MED21: variants seen among roughly 807,000 people sequenced by gnomAD.
MED21 encodes the protein mediator of RNA polymerase II transcription subunit 21.
Under a neutral mutation model 18.2 loss-of-function variants are expected in MED21, and 9 were observed. The ratio of observed to expected loss-of-function variants is 0.49; its 90% CI spans 0.30 to 0.86. MED21 has a LOEUF of 0.86. Ranked by LOEUF, MED21 falls within the 40% of genes least tolerant of loss-of-function variation. The probability of loss-of-function intolerance (pLI) is 0.07; values close to 1 mark genes in which losing one functional copy is unlikely to be tolerated. For synonymous variants in MED21, 73 were observed against 60.5 expected, an observed-to-expected ratio of 1.21 and a Z score of -0.96; for missense variants, 150 against 170.9, an observed-to-expected ratio of 0.88 and a Z score of 0.68.
intron 1 of MED21, among the ~76,000 whole-genome samples, chr12:27,023,159 T>G (rs1941495909): frequency 6.6e-6 from 1 of 152,034 alleles, no homozygotes. Context: ...TCATCTTAGC[T>G]CGTTCCTTTG....
At chr12:27,026,283 T>C in intron 1 of MED21, 137 bp from the exon 2 acceptor site, 1 of 535,884 alleles carries the variant, frequency 1.9e-6, no homozygotes, top group South Asian at 3.2e-5. Flanking sequence ...GCTTATTTTA[T>C]CAACAATCAC....
downstream of MED21, among the ~76,000 whole-genome samples, chr12:27,034,001 A>C (rs1362270665): frequency 6.6e-6 from 1 of 152,242 alleles, no homozygotes; most frequent in African/African-American, 2.4e-5. Flanking sequence ...GAAAAAACAA[A>C]GCCCAAAGTT....
At chr12:27,032,800 C>G (rs1223617418), downstream of MED21, among the ~76,000 whole-genome samples, 1 of 152,146 alleles carries the variant, frequency 6.6e-6, no homozygotes, top group Non-Finnish European at 1.5e-5. Flanking sequence ...GGACAAAATG[C>G]CCTTTAACTT....
chr12:27,022,833 CT>C (rs1371390533), intron 1 of MED21: 2 of 1,483,938 alleles, frequency 1.3e-6, no homozygotes, highest in Non-Finnish European at 1.8e-6. Flanking sequence ...GGAGCAGACT[CT>C]TTCGCTTGAG....
chr12:27,030,213 G>T lies in MED21; in HGVS notation c.*1752G>T. 1.6e-6 allele frequency: 1 copy of T among 641,474 alleles called. No homozygotes were observed. The highest frequency in any genetic ancestry group is 2.9e-6 in the Non-Finnish European group (1 of 348,050). 39.7% of individuals were successfully genotyped at this position (641,474 alleles called of 1,614,324 possible). ...AGTTCTGTGATCATGGCTCACTGCA[G>T]CTTCACCCTGGGTTCAGGTGATCCT... On this transcript the variant is annotated 3_prime_UTR_variant, in exon 4 of 4. Coordinates refer to ENST00000282892, the MANE Select transcript of MED21 (RefSeq NM_004264.5).
At chr12:27,024,720 C>G (rs564808137) in intron 1 of MED21, among the ~76,000 whole-genome samples, 1 of 152,218 alleles carries the variant, frequency 6.6e-6, no homozygotes, top group South Asian at 2.1e-4. Flanking sequence ...GTATGAGTGC[C>G]TACTGTGTGT....
Position 27,029,438 on chromosome 12 carries a change from GAA to G in MED21, c.*979_*980del. 1 of 985,388 alleles carries G rather than the reference GAA, an allele frequency of 1.0e-6. No homozygotes were observed. The highest frequency in any genetic ancestry group is 1.2e-6 in the Non-Finnish European group (1 of 829,896). The allele number at this position is 985,388 out of a possible 1,614,324, so 61.0% of individuals were successfully genotyped here. On this transcript the variant is annotated 3_prime_UTR_variant, in exon 4 of 4. Transcript: ENST00000282892. ...TAATCTCCACTGGAAAGGTGGAATT[GAA>G]ATGTGGTCCACATTTTAACTAGCTA...
chr12:27,026,597 T>C (rs1300976063), intron 2 of MED21, 63 bp downstream of exon 2: 2 of 1,053,436 alleles, frequency 1.9e-6, no homozygotes, highest in Non-Finnish European at 2.9e-6. Flanking sequence ...CCTTTAAAAT[T>C]AGATTTCTTG....
intron 2 of MED21, chr12:27,037,771 CAT>C (rs1941658745): frequency 6.6e-6 from 1 of 152,064 alleles, no homozygotes; most frequent in Admixed American, 6.5e-5. Context: ...CTTGCTGAAA[CAT>C]AAAATAATGA....
At chr12:27,033,107 A>G (rs1200386947), downstream of MED21, among the ~76,000 whole-genome samples, 1 of 152,170 alleles carries the variant, frequency 6.6e-6, no homozygotes, top group African/African-American at 2.4e-5. Context: ...TCCTTATTGC[A>G]ATAGTCTCCC....
At chr12:27,028,074 A>C (rs1203047095) in intron 3 of MED21, among the ~76,000 whole-genome samples, 1 of 152,230 alleles carries the variant, frequency 6.6e-6, no homozygotes, top group Non-Finnish European at 1.5e-5. Flanking sequence ...TAAGGGAGTC[A>C]CTTAAAGATA....
At chr12:27,026,615 C>A in intron 2 of MED21, 81 bp downstream of exon 2, 2 of 925,176 alleles carry the variant, frequency 2.2e-6, no homozygotes, top group South Asian at 1.5e-5. Flanking sequence ...TTGAGAAATT[C>A]AGCTTATTTT....
chr12:27,028,568 A>G lies in MED21; in HGVS notation c.*107A>G, dbSNP rs954994847. ...ACCAACAATTACAGAAACATTAAACACTATGACACATTACCTTTTTAGCTA... is the reference window on the plus strand; with the variant it reads ...ACCAACAATTACAGAAACATTAAACGCTATGACACATTACCTTTTTAGCTA... On this transcript the variant is annotated 3_prime_UTR_variant, in exon 4 of 4. Transcript: ENST00000282892. 1.1e-5 allele frequency: 15 copies of G among 1,422,332 alleles called. No homozygotes were observed. Among genetic ancestry groups the G allele is most frequent in the Admixed American group, 2.7e-5 (1 of 37,612 alleles). 88.1% of individuals were successfully genotyped at this position (1,422,332 alleles called of 1,614,324 possible).
intron 1 of MED21, among the ~76,000 whole-genome samples, chr12:27,024,197 T>G (rs536918646): frequency 6.6e-6 from 1 of 152,244 alleles, no homozygotes; most frequent in Admixed American, 6.5e-5. Context: ...TTGATAGTTA[T>G]GTTTCTCATT....
Position 27,030,390 on chromosome 12 carries a change from A to T in MED21, c.*1929A>T. 2.5e-6 allele frequency: 1 copy of T among 393,890 alleles called. No individual in the cohort carries two copies. Among genetic ancestry groups the T allele is most frequent in the East Asian group, 3.6e-5 (1 of 27,792 alleles). The allele number at this position is 393,890 out of a possible 1,614,324, so 24.4% of individuals were successfully genotyped here. ...CCTCAAGATATTAATACTATACAGT[A>T]GACTATAAGAAATTAAGTATTTGTA... On this transcript the variant is annotated 3_prime_UTR_variant, in exon 4 of 4. Coordinates refer to ENST00000282892, the MANE Select transcript of MED21 (RefSeq NM_004264.5).
rs527357574 is a variant in MED21, at chr12:27,028,194, A to T, written c.259-91A>T. The T allele has an allele frequency of 1.5e-4, 213 of 1,416,010 alleles. 2 individuals carry two copies. The South Asian group carries it at 3.2e-3, about 21-fold the overall frequency. The allele number at this position is 1,416,010 out of a possible 1,614,324, so 87.7% of individuals were successfully genotyped here. On this transcript the variant is annotated intron_variant, in intron 3 of 3. Transcript: ENST00000282892. The stretch of plus-strand genomic sequence containing the variant: ...CTTTACTGAAAAACATATCACAATG[A>T]TTGCAAAGTCATCCAGATTTAAAAA...
In MED21 at chr12:27,028,766, G is replaced by A. The variant is rs117253896; in HGVS notation, c.*305G>A. ...AAAATTCTGTTATGACATAATTTATGTCTCCATTTTGTTGTATTGGCCAGT... is the reference window on the plus strand; with the variant it reads ...AAAATTCTGTTATGACATAATTTATATCTCCATTTTGTTGTATTGGCCAGT... On this transcript the variant is annotated 3_prime_UTR_variant, in exon 4 of 4. Transcript: ENST00000282892. 0.01 allele frequency: 10,651 copies of A among 1,028,930 alleles called. 72 individuals are homozygous for A. The highest frequency in any genetic ancestry group is 0.012 in the Non-Finnish European group (10,083 of 855,102). 63.7% of individuals were successfully genotyped at this position (1,028,930 alleles called of 1,614,324 possible).
chr12:27,026,218 C>T (rs1446225078), intron 1 of MED21, among the ~76,000 whole-genome samples: 1 of 152,178 alleles, frequency 6.6e-6, no homozygotes, highest in Non-Finnish European at 1.5e-5. Context: ...TAGATTGATA[C>T]CAAACTTAGT....
rs1941587162 is a variant in MED21, at chr12:27,029,404, G to A, written c.*943G>A. ...TCATCCAACCCTTGGATCTCTTTGA[G>A]TCTACTGATAATCTCCACTGGAAAG... On this transcript the variant is annotated 3_prime_UTR_variant, in exon 4 of 4. Transcript: ENST00000282892. The A allele has an allele frequency of 1.0e-6, 1 of 985,244 alleles. No homozygotes were observed. The highest frequency in any genetic ancestry group is 4.7e-5 in the South Asian group (1 of 21,290). 61.0% of individuals were successfully genotyped at this position (985,244 alleles called of 1,614,324 possible). A position where few individuals can be genotyped will look rare whatever the true frequency, so the allele number is the denominator to read the frequency against.
Sources: allele counts gnomAD v4.1 joint callset (sites outside exome capture counted in the v4.1 genomes callset), GRCh38; gene constraint gnomAD v4.1.1; transcripts MANE v1.5; gene names NCBI Gene and HGNC (gene_info 2026-07-23, HGNC 2026-07-21).